Variants in ANKDD1B observed in about 807,000 individuals in gnomAD.
The protein encoded by ANKDD1B is ankyrin repeat and death domain containing 1B, also known as ankyrin repeat and death domain-containing protein 1B.
Under a neutral mutation model 59.7 loss-of-function variants are expected in ANKDD1B, and 57 were observed. That is an observed-to-expected ratio of 0.95 (90% CI 0.77 to 1.19). The LOEUF (loss-of-function observed/expected upper bound fraction) is 1.19, where lower values mean the gene tolerates loss of function less well. ANKDD1B is among the 50% of genes most tolerant of loss of function. The pLI is 0.00. For synonymous variants in ANKDD1B, 216 were observed against 239.5 expected (o/e 0.90, Z 0.91); for missense variants, 602 against 641.9 (o/e 0.94, Z 0.67).
At position 75,666,858 on chromosome 5, in the gene ANKDD1B, C is replaced by T. The variant is rs766599865; in HGVS notation, c.1258C>T (p.Leu420=). The T allele has an allele frequency of 1.3e-6, 2 of 1,536,050 alleles. No individual in the cohort carries two copies. Among genetic ancestry groups the T allele is most frequent in the South Asian group, 1.2e-5 (1 of 84,046 alleles). Reference sequence around the variant, plus strand: ...TCTGACATTCAAGCAAGATCACAGTCTGGAGACCAGACACATTCGCACGCT... The same window carrying T: ...TCTGACATTCAAGCAAGATCACAGTTTGGAGACCAGACACATTCGCACGCT... ...FTLTFKQDHS[L]ETRHIRTLLW... Residue 420 remains leucine (L), a synonymous_variant, in exon 12 of 14, where the codon CTG becomes TTG. Coordinates refer to ENST00000601380, the MANE Select transcript of ANKDD1B (RefSeq NM_001276713.2).
Position 75,625,732 on chromosome 5 carries a change from G to T in ANKDD1B, c.482G>T (p.Arg161Ile). 2 of 1,536,336 alleles carry T rather than the reference G, an allele frequency of 1.3e-6. No individual in the cohort carries two copies. Among genetic ancestry groups the T allele is most frequent in the Non-Finnish European group, 1.7e-6 (2 of 1,146,950 alleles). ...CTGGTTAAAGCTGGAGCAGACCAGA[G>T]AGCCAAGAATCAGGTAGGTATGTGG... The part of the protein sequence containing the change: ...LMLVKAGADQ[R>I]AKNQDGMSAL... Residue 161 changes from arginine (R) to isoleucine (I), a missense_variant, in exon 4 of 14, where the codon AGA becomes ATA. Transcript: ENST00000601380.
At chr5:75,635,920 T>C in intron 7 of ANKDD1B, 38 bp downstream of exon 7, 1 of 1,313,208 alleles carries the variant, frequency 7.6e-7, no homozygotes, top group Non-Finnish European at 1.1e-6. Context: ...AGGACTTAAA[T>C]GTGGAAGGGT....
chr5:75,639,867 A>G (rs1278774139), intron 7 of ANKDD1B, among the ~76,000 whole-genome samples: 1 of 152,056 alleles, frequency 6.6e-6, no homozygotes, highest in Non-Finnish European at 1.5e-5. Context: ...TCCTTCTAGT[A>G]TTTGTCTTGA....
rs559100215 is a variant in ANKDD1B, at chr5:75,635,477, C to A, written c.700-307C>A. 91 of 254,012 alleles carry A rather than the reference C, an allele frequency of 3.6e-4. 1 individual carries two copies. In the Middle Eastern group the frequency reaches 8.7e-3, roughly 24 times the overall value. The allele number at this position is 254,012 out of a possible 1,614,324, so 15.7% of individuals were successfully genotyped here. A position where few individuals can be genotyped will look rare whatever the true frequency, so the allele number is the denominator to read the frequency against. Reference sequence around the variant, plus strand: ...AAATGATCTCCCAGAAATCTTTCACCATTTTACCCTCACAGAGGTCAAATG... The same window carrying A: ...AAATGATCTCCCAGAAATCTTTCACAATTTTACCCTCACAGAGGTCAAATG... On this transcript the variant is annotated intron_variant, in intron 6 of 13. Transcript: ENST00000601380.
intron 12 of ANKDD1B, among the ~76,000 whole-genome samples, chr5:75,668,342 T>C (rs1268738424): frequency 1.3e-5 from 2 of 152,194 alleles, no homozygotes; most frequent in African/African-American, 4.8e-5. Context: ...GTAAGGTTAC[T>C]GGCACTGGGG....
chr5:75,659,903 T>G (rs921082165), intron 10 of ANKDD1B, among the ~76,000 whole-genome samples: 18 of 152,170 alleles, frequency 1.2e-4, no homozygotes, highest in South Asian at 4.1e-4. Flanking sequence ...AGTGGAGATA[T>G]TACTACATGG....
At chr5:75,612,598 A>G (rs2112947582) in intron 1 of ANKDD1B, among the ~76,000 whole-genome samples, 1 of 152,284 alleles carries the variant, frequency 6.6e-6, no homozygotes, top group East Asian at 1.9e-4. Flanking sequence ...TCAAGGGCTT[A>G]ACTATTTGCT....
intron 5 of ANKDD1B, among the ~76,000 whole-genome samples, chr5:75,632,121 AAAG>A (rs1219240786): frequency 4.6e-5 from 7 of 151,968 alleles, no homozygotes; most frequent in South Asian, 2.1e-4. Context: ...AAAAAAAAAA[AAAG>A]AAGAAAAAGA....
At chr5:75,649,448 TTTC>T (rs1774765011) in intron 7 of ANKDD1B, among the ~76,000 whole-genome samples, 1 of 152,206 alleles carries the variant, frequency 6.6e-6, no homozygotes, top group African/African-American at 2.4e-5. Flanking sequence ...ATTTTGTGGT[TTTC>T]TTTTGGTATC....
intron 5 of ANKDD1B, among the ~76,000 whole-genome samples, chr5:75,626,233 C>T (rs576817472): frequency 4.1e-4 from 63 of 152,246 alleles, no homozygotes; most frequent in Non-Finnish European, 6.3e-4. Context: ...GGATAGTATC[C>T]TATCCCCTCT....
intron 5 of ANKDD1B, among the ~76,000 whole-genome samples, chr5:75,632,428 A>G (rs1466748202): frequency 1.3e-5 from 2 of 152,200 alleles, no homozygotes; most frequent in African/African-American, 2.4e-5. Flanking sequence ...AAAGAGGACT[A>G]CTAACAGCTA....
chr5:75,660,082 T>G (rs1715381489), intron 10 of ANKDD1B, among the ~76,000 whole-genome samples: 1 of 152,236 alleles, frequency 6.6e-6, no homozygotes, highest in African/African-American at 2.4e-5. Flanking sequence ...TAAACTTGTT[T>G]TTTTAAATTA....
At chr5:75,636,192 A>C (rs766963572) in intron 7 of ANKDD1B, among the ~76,000 whole-genome samples, 2 of 152,254 alleles carry the variant, frequency 1.3e-5, no homozygotes, top group Non-Finnish European at 2.9e-5. Context: ...ATTGGGCTAC[A>C]TGCAATAATA....
chr5:75,627,331 TG>T (rs1774021230), intron 5 of ANKDD1B, among the ~76,000 whole-genome samples: 1 of 152,254 alleles, frequency 6.6e-6, no homozygotes, highest in Non-Finnish European at 1.5e-5. Context: ...TGATATATAA[TG>T]ATTGACATTT....
At chr5:75,659,418 G>A (rs1775059235) in intron 10 of ANKDD1B, 37 bp downstream of exon 10, 5 of 1,410,792 alleles carry the variant, frequency 3.5e-6, no homozygotes, top group Non-Finnish European at 4.8e-6. Context: ...AGCTGAGATG[G>A]TTGCTAAGAC....
In ANKDD1B at chr5:75,649,415, CAATT is replaced by C. The variant is rs950893731; in HGVS notation, c.799-3724_799-3721del. The stretch of plus-strand genomic sequence containing the variant: ...TTAACAATCAATGAAGTATGAATGT[CAATT>C]AAATATTTATTCACTTCAATTTTGT... On this transcript the variant is annotated intron_variant, in intron 7 of 13. Coordinates refer to ENST00000601380, the MANE Select transcript of ANKDD1B (RefSeq NM_001276713.2). 9.9e-5 allele frequency among the ~76,000 whole-genome samples: 15 copies of C among 152,098 alleles called. No homozygotes were observed. The East Asian group carries it at 1.2e-3, about 12-fold the overall frequency.
rs1316125474 is a variant in ANKDD1B at position 75,625,821 on chromosome 5, T to C, written c.496-30T>C. On this transcript the variant is annotated intron_variant, in intron 4 of 13. Coordinates refer to ENST00000601380, the MANE Select transcript of ANKDD1B (RefSeq NM_001276713.2). ...GAGAGAGGAAGTTCTGAGGTCACTG[T>C]CTATCTCCCCCACCCCTGGTTCTCT... is the stretch of plus-strand genomic sequence containing the variant. 3 of 1,531,024 alleles carry C rather than the reference T, an allele frequency of 2.0e-6. No homozygotes were observed. In the East Asian group the frequency reaches 7.3e-5, roughly 37 times the overall value. 94.8% of individuals were successfully genotyped at this position (1,531,024 alleles called of 1,614,324 possible).
At chr5:75,659,118 T>C (rs918677800) in intron 9 of ANKDD1B, among the ~76,000 whole-genome samples, 165 bp from the exon 10 acceptor site, 1 of 152,248 alleles carries the variant, frequency 6.6e-6, no homozygotes, top group Non-Finnish European at 1.5e-5. Context: ...AAACATGTAA[T>C]TTCCTTTCAG....
intron 9 of ANKDD1B, among the ~76,000 whole-genome samples, chr5:75,656,874 T>A (rs1379000879): frequency 6.6e-6 from 1 of 152,248 alleles, no homozygotes; most frequent in Non-Finnish European, 1.5e-5. Context: ...GCAGTGGGCA[T>A]GCCTGCCTGT....
Sources: gnomAD v4.1 joint callset for allele counts (sites outside exome capture counted in the v4.1 genomes callset) on GRCh38, gnomAD v4.1.1 for gene constraint, MANE v1.5 for transcripts, NCBI Gene and HGNC (gene_info 2026-07-23, HGNC 2026-07-21) for gene names.